Variants in SNRNP200 observed in about 807,000 individuals in gnomAD.
SNRNP200 encodes the protein small nuclear ribonucleoprotein U5 subunit 200.
In SNRNP200, 66 loss-of-function variants were observed where a neutral mutation model predicts 255.2. The observed-to-expected ratio is 0.26, with a 90% CI of 0.21 to 0.32. The LOEUF (loss-of-function observed/expected upper bound fraction) is 0.32, where lower values mean the gene tolerates loss of function less well. Among genes scored for constraint, SNRNP200 ranks in the 10% least tolerant of loss-of-function variants. The probability of loss-of-function intolerance (pLI) is 1.00; values close to 1 mark genes in which losing one functional copy is unlikely to be tolerated. For synonymous variants in SNRNP200, 939 were observed against 1,027.8 expected (o/e 0.91, Z 1.65); for missense variants, 1,585 against 2,749.8 (o/e 0.58, Z 9.47).
At position 96,291,699 on chromosome 2, in the gene SNRNP200, A is replaced by G; in HGVS notation, c.2310+52T>C. The G allele has an allele frequency of 6.2e-7, 1 of 1,606,418 alleles. No individual in the cohort carries two copies. The highest frequency in any genetic ancestry group is 2.2e-5 in the East Asian group (1 of 44,854). ...CTAGAGGAGCTGTCTGGGGCCTGAGATGGACACAGCTGCCAGGTAGGAATG... is the reference window on the plus strand; with the variant it reads ...CTAGAGGAGCTGTCTGGGGCCTGAGGTGGACACAGCTGCCAGGTAGGAATG... On this transcript the variant is annotated intron_variant, in intron 17 of 44. Coordinates refer to ENST00000323853, the MANE Select transcript of SNRNP200 (RefSeq NM_014014.5). This position sits in a 1 kb window ranked among gnomAD's most constrained non-coding sequence, Gnocchi z 4.2.
Position 96,281,879 on chromosome 2 carries a change from G to T in SNRNP200, c.4959C>A (p.Gly1653=). 1 of 1,614,170 alleles carries T rather than the reference G, an allele frequency of 6.2e-7. No individual in the cohort carries two copies. Among genetic ancestry groups the T allele is most frequent in the Non-Finnish European group, 8.5e-7 (1 of 1,180,024 alleles). ...VVVASRSLCW[G]MNVAAHLVII... The stretch of plus-strand genomic sequence containing the variant: ...TTACCAGGTGGGCAGCCACGTTCAT[G>T]CCCCAGCAGAGACTCCGAGAAGCCA... The change falls in exon 35 of 45, where the codon GGC becomes GGA. Residue 1653 remains glycine, a synonymous_variant. Coordinates refer to ENST00000323853, the MANE Select transcript of SNRNP200 (RefSeq NM_014014.5).
chr2:96,290,139 T>G lies in SNRNP200; in HGVS notation c.2743-143A>C. 9.5e-7 allele frequency: 1 copy of G among 1,051,558 alleles called. No homozygotes were observed. Among genetic ancestry groups the G allele is most frequent in the Non-Finnish European group, 1.5e-6 (1 of 679,052 alleles). The allele number at this position is 1,051,558 out of a possible 1,614,324, so 65.1% of individuals were successfully genotyped here. On this transcript the variant is annotated intron_variant, in intron 20 of 44. Coordinates refer to ENST00000323853, the MANE Select transcript of SNRNP200 (RefSeq NM_014014.5). The surrounding 1 kb of genome is among the most constrained non-coding windows in gnomAD (Gnocchi z 4.5). ...TCTGAATGTTTTTAGCATTTCATTA[T>G]TAAAAAGATCTAAGCGTCTTCTAAG... is the stretch of plus-strand genomic sequence containing the variant.
intron 13 of SNRNP200, 56 bp downstream of exon 13, chr2:96,296,480 A>T: frequency 6.3e-7 from 1 of 1,588,764 alleles, no homozygotes; most frequent in Non-Finnish European, 8.6e-7. Context: ...AGGCCTGTCC[A>T]CAACACTTTC....
chr2:96,287,732 T>C lies in SNRNP200; in HGVS notation c.3365+131A>G. On this transcript the variant is annotated intron_variant, in intron 25 of 44. Transcript: ENST00000323853. The surrounding 1 kb of genome is among the most constrained non-coding windows in gnomAD (Gnocchi z 5.7). ...CAGAGGGCCTTCCCTCTTCTCAATG[T>C]GCACCAAGGTTCAGGTCATACTTCC... The C allele has an allele frequency of 1.1e-6, 1 of 942,060 alleles. No individual in the cohort carries two copies. Among genetic ancestry groups the C allele is most frequent in the Non-Finnish European group, 1.8e-6 (1 of 570,018 alleles). 58.4% of individuals were successfully genotyped at this position (942,060 alleles called of 1,614,324 possible). A position where few individuals can be genotyped will look rare whatever the true frequency, so the allele number is the denominator to read the frequency against.
intron 2 of SNRNP200, among the ~76,000 whole-genome samples, chr2:96,303,866 G>A (rs2063970137): frequency 1.3e-5 from 2 of 149,420 alleles, no homozygotes; most frequent in Admixed American, 1.3e-4. Flanking sequence ...TCCAGCCTGG[G>A]TGACAGAGTG....
intron 34 of SNRNP200, 99 bp from the exon 35 acceptor site, chr2:96,282,021 T>C: frequency 1.2e-6 from 1 of 864,126 alleles, no homozygotes; most frequent in Non-Finnish European, 1.9e-6. Flanking sequence ...TGTGCTATGT[T>C]TCAGAACTCA....
At chr2:96,285,115 C>CT in intron 30 of SNRNP200, 65 bp downstream of exon 30, 1 of 1,577,312 alleles carries the variant, frequency 6.3e-7, no homozygotes. Flanking sequence ...CTTAGAAAGC[C>CT]TTCATACGGA....
intron 14 of SNRNP200, 130 bp downstream of exon 14, chr2:96,295,358 A>G (rs960158186): frequency 6.8e-7 from 1 of 1,469,066 alleles, no homozygotes; most frequent in Non-Finnish European, 9.5e-7. Context: ...CATCCTACGG[A>G]ATTGGAGGAC....
chr2:96,284,200 C>A, intron 31 of SNRNP200, 158 bp downstream of exon 31: 1 of 872,368 alleles, frequency 1.1e-6, no homozygotes, highest in Non-Finnish European at 1.9e-6. Flanking sequence ...TAAAGTACTA[C>A]CAAAAAAGTT....
intron 30 of SNRNP200, 62 bp from the exon 31 acceptor site, chr2:96,284,647 T>C: frequency 8.3e-7 from 1 of 1,209,600 alleles, no homozygotes; most frequent in Non-Finnish European, 1.2e-6. Flanking sequence ...TTCACTTATG[T>C]GAGGAAAACC....
At chr2:96,279,359 A>G in intron 36 of SNRNP200, 92 bp downstream of exon 36, 1 of 852,396 alleles carries the variant, frequency 1.2e-6, no homozygotes, top group Non-Finnish European at 2.0e-6. Flanking sequence ...AAGTTAAGAG[A>G]CTAAAGTTAC....
chr2:96,301,830 A>G (rs1237623002), intron 3 of SNRNP200, 114 bp from the exon 4 acceptor site: 2 of 1,032,084 alleles, frequency 1.9e-6, no homozygotes, highest in South Asian at 1.3e-5. Context: ...AACCTGCCAC[A>G]TACTAGGCTC....
At chr2:96,302,247 G>A (rs2063958026) in intron 3 of SNRNP200, among the ~76,000 whole-genome samples, 1 of 152,170 alleles carries the variant, frequency 6.6e-6, no homozygotes, top group South Asian at 2.1e-4. Context: ...ACCTATTCAT[G>A]GAGTTATGTA....
At position 96,304,693 on chromosome 2, in the gene SNRNP200, C is replaced by T. The variant is rs777083571; in HGVS notation, c.209+12G>A. On this transcript the variant is annotated intron_variant, in intron 2 of 44. Transcript: ENST00000323853. ...GATCTGAAGGAAAAAATAGTATCCC[C>T]TTGGCACTCACTTGGCTCTTCTTTC... 2 of 1,613,886 alleles carry T rather than the reference C, an allele frequency of 1.2e-6. No individual in the cohort carries two copies. Among genetic ancestry groups the T allele is most frequent in the Admixed American group, 1.7e-5 (1 of 60,000 alleles).
intron 34 of SNRNP200, chr2:96,282,645 T>C (rs1428124599): frequency 9.0e-6 from 2 of 221,552 alleles, no homozygotes; most frequent in Non-Finnish European, 1.8e-5. Flanking sequence ...GTCTAGTGAA[T>C]GAGTTCTCAC....
rs993491831 is a variant in SNRNP200 at position 96,297,782 on chromosome 2, T to C, written c.1120-62A>G. 3.2e-6 allele frequency: 5 copies of C among 1,571,042 alleles called. No individual in the cohort carries two copies. In the Admixed American group the frequency reaches 5.0e-5, roughly 16 times the overall value. On this transcript the variant is annotated intron_variant, in intron 9 of 44. Coordinates refer to ENST00000323853, the MANE Select transcript of SNRNP200 (RefSeq NM_014014.5). ...CATCAGTATCATAGGTTCTTGTCCT[T>C]TTCTGCCCCTGCTTAGCTAATACTT...
intron 43 of SNRNP200, 195 bp downstream of exon 43, chr2:96,276,709 T>G (rs1352534373): frequency 4.3e-6 from 3 of 700,648 alleles, no homozygotes; most frequent in Non-Finnish European, 7.8e-6. Context: ...CGTGAGCCAC[T>G]GCGCCCGGCC....
intron 4 of SNRNP200, 102 bp downstream of exon 4, chr2:96,301,422 C>T: frequency 8.3e-7 from 1 of 1,202,946 alleles, no homozygotes. Flanking sequence ...ATTATGGGAA[C>T]TCACTGACAT....
chr2:96,283,515 A>G lies in SNRNP200; in HGVS notation c.4763+20T>C. On this transcript the variant is annotated intron_variant, in intron 33 of 44. Transcript: ENST00000323853. This position sits in a 1 kb window ranked among gnomAD's most constrained non-coding sequence, Gnocchi z 4.7. ...CTCACTTAACCTAACCCCAACCCCCAGACGCCAGGCCCCACCTACCTCTGC... is the reference window on the plus strand; with the variant it reads ...CTCACTTAACCTAACCCCAACCCCCGGACGCCAGGCCCCACCTACCTCTGC... 1 of 1,613,936 alleles carries G rather than the reference A, an allele frequency of 6.2e-7. No individual in the cohort carries two copies. The highest frequency in any genetic ancestry group is 1.3e-5 in the African/African-American group (1 of 74,970).
Sources: gnomAD v4.1 joint callset for allele counts (sites outside exome capture counted in the v4.1 genomes callset) on GRCh38, gnomAD v4.1.1 for gene constraint, Gnocchi (gnomAD v3.1) non-coding constraint, MANE v1.5 for transcripts, NCBI Gene and HGNC (gene_info 2026-07-23, HGNC 2026-07-21) for gene names.